PARD3: variants seen among roughly 807,000 people sequenced by gnomAD.
PARD3 encodes the protein par-3 family cell polarity regulator.
Under a neutral mutation model 155.4 loss-of-function variants are expected in PARD3, and 75 were observed. That is an observed-to-expected ratio of 0.48 (90% confidence interval 0.40 to 0.58). The LOEUF (loss-of-function observed/expected upper bound fraction) is 0.58, where lower values mean the gene tolerates loss of function less well. PARD3 is among the 20% of genes least tolerant of loss of function. The pLI, the probability that PARD3 is intolerant of heterozygous loss-of-function variation, is 0.00. For missense variants in PARD3, 1,642 were observed against 1,721.7 expected, an observed-to-expected ratio of 0.95 and a Z score of 0.82; for synonymous variants, 576 against 610.5, an observed-to-expected ratio of 0.94 and a Z score of 0.83.
intron 1 of PARD3, among the ~76,000 whole-genome samples, chr10:34,789,235 T>C (rs1164299589): frequency 6.6e-6 from 1 of 152,110 alleles, no homozygotes; most frequent in Non-Finnish European, 1.5e-5. Context: ...GAGGCCGCAG[T>C]GAGCCATGAA....
chr10:34,674,154 C>T (rs1009436475), intron 2 of PARD3, among the ~76,000 whole-genome samples: 1 of 152,056 alleles, frequency 6.6e-6, no homozygotes, highest in African/African-American at 2.4e-5. Flanking sequence ...TGTATTTCTT[C>T]GTTAACAAGA....
chr10:34,720,959 A>G (rs887690302), intron 1 of PARD3, among the ~76,000 whole-genome samples: 6 of 152,182 alleles, frequency 3.9e-5, no homozygotes, highest in Non-Finnish European at 8.8e-5. Flanking sequence ...TTCACTCTCA[A>G]TTAAAAGGCC....
Position 34,331,161 on chromosome 10 carries a change from T to A in PARD3, c.2789A>T (p.Tyr930Phe). ...ESFRAAIDKS[Y>F]DKPAVDDDDE... ...ATCATCATCTACCGCGGGTTTATCA[T>A]AAGATTTGTCGATGGCAGCTCTGAA... Residue 930 changes from tyrosine to phenylalanine, a missense_variant, in exon 19 of 25, where the codon TAT becomes TTT. By Grantham distance (22) the Tyr-to-Phe change is conservative. This residue lies in a region of PARD3 where 1,529 missense variants were observed against 1,587.3 expected (regional missense o/e 0.96). Transcript: ENST00000374788. 6.2e-7 allele frequency: 1 copy of A among 1,614,052 alleles called. No homozygotes were observed. Among genetic ancestry groups the A allele is most frequent in the Non-Finnish European group, 8.5e-7 (1 of 1,179,966 alleles).
intron 2 of PARD3, among the ~76,000 whole-genome samples, chr10:34,589,636 CAAAAAAAAAA>C (rs35357373): frequency 2.4e-5 from 2 of 84,300 alleles, no homozygotes; most frequent in South Asian, 5.0e-4. Flanking sequence ...AGTACATGTC[CAAAAAAAAAA>C]AAAAAAAAAA....
intron 2 of PARD3, among the ~76,000 whole-genome samples, chr10:34,688,799 C>T (rs560970752): frequency 6.6e-6 from 1 of 152,226 alleles, no homozygotes; most frequent in South Asian, 2.1e-4. Context: ...TAATTTAGTA[C>T]TTGACTTTAA....
intron 2 of PARD3, among the ~76,000 whole-genome samples, chr10:34,687,677 G>A (rs2093973658): frequency 6.6e-6 from 1 of 151,826 alleles, no homozygotes; most frequent in Non-Finnish European, 1.5e-5. Context: ...ATCCAAGAAC[G>A]ACAAAGGAAG....
chr10:34,565,898 C>T (rs888103626), intron 2 of PARD3, among the ~76,000 whole-genome samples: 2 of 152,142 alleles, frequency 1.3e-5, no homozygotes, highest in African/African-American at 4.8e-5. Context: ...AACAAAAAGT[C>T]GTGATTCAAC....
At chr10:34,770,154 C>G (rs1473255906) in intron 1 of PARD3, among the ~76,000 whole-genome samples, 2 of 152,162 alleles carry the variant, frequency 1.3e-5, no homozygotes, top group Non-Finnish European at 2.9e-5. Context: ...TTTCCTGCTC[C>G]TTAGACACAA....
chr10:34,780,278 T>G (rs1000235633), intron 1 of PARD3, among the ~76,000 whole-genome samples: 4 of 152,234 alleles, frequency 2.6e-5, no homozygotes, highest in African/African-American at 9.6e-5. Context: ...CATAGAGATG[T>G]GGAGAGCACT....
chr10:34,802,580 C>A (rs1404608509), intron 1 of PARD3, among the ~76,000 whole-genome samples: 2 of 152,050 alleles, frequency 1.3e-5, no homozygotes, highest in African/African-American at 4.8e-5. Flanking sequence ...GTCTGGGGGG[C>A]CCAAACCAAA....
intron 1 of PARD3, among the ~76,000 whole-genome samples, chr10:34,774,480 AG>A (rs1246803897): frequency 6.6e-6 from 1 of 152,254 alleles, no homozygotes; most frequent in Non-Finnish European, 1.5e-5. Context: ...GTTGAATACC[AG>A]AAGAAACGCA....
chr10:34,725,153 C>CTGTGTG (rs2094684170), intron 1 of PARD3, among the ~76,000 whole-genome samples: 336 of 127,522 alleles, frequency 2.6e-3, no homozygotes, highest in African/African-American at 0.01. Flanking sequence ...GTGTGTGTGA[C>CTGTGTG]AGAGAGAGAG....
Position 34,733,861 on chromosome 10 carries a change from T to C in PARD3, c.121-37442A>G, listed in dbSNP as rs141394197. The stretch of plus-strand genomic sequence containing the variant: ...GCAGACTCAAAATTAATATAAACCA[T>C]CTTTCTCAAAACTCCTAATATAAAG... On this transcript the variant is annotated intron_variant, in intron 1 of 24. Coordinates refer to ENST00000374788, the MANE Select transcript of PARD3 (RefSeq NM_001184785.2). 2.0e-5 allele frequency among the ~76,000 whole-genome samples: 3 copies of C among 152,266 alleles called. No individual in the cohort carries two copies. In the East Asian group the frequency reaches 5.8e-4, roughly 29 times the overall value.
intron 2 of PARD3, among the ~76,000 whole-genome samples, chr10:34,672,918 C>T (rs1387248184): frequency 6.6e-6 from 1 of 152,136 alleles, no homozygotes; most frequent in Admixed American, 6.5e-5. Context: ...CCTTGTCTTG[C>T]TTGATTCTTT....
At chr10:34,678,071 TATTTA>T (rs1265506335) in intron 2 of PARD3, among the ~76,000 whole-genome samples, 1 of 152,024 alleles carries the variant, frequency 6.6e-6, no homozygotes, top group Non-Finnish European at 1.5e-5. Flanking sequence ...TTTATTTATT[TATTTA>T]ATTTATTTAT....
At chr10:34,405,098 A>G (rs1793395073) in intron 5 of PARD3, among the ~76,000 whole-genome samples, 1 of 151,450 alleles carries the variant, frequency 6.6e-6, no homozygotes, top group South Asian at 2.1e-4. Context: ...ACACACACAC[A>G]CACACACACA....
At chr10:34,812,477 T>C (rs1844311590) in intron 1 of PARD3, among the ~76,000 whole-genome samples, 1 of 152,188 alleles carries the variant, frequency 6.6e-6, no homozygotes, top group African/African-American at 2.4e-5. Context: ...CAGTGTTAAA[T>C]ACATATTAAC....
At chr10:34,217,389 T>A (rs1241497413) in intron 22 of PARD3, among the ~76,000 whole-genome samples, 1 of 152,194 alleles carries the variant, frequency 6.6e-6, no homozygotes, top group East Asian at 1.9e-4. Context: ...TCTACCCTTG[T>A]AAAAACACTC....
intron 1 of PARD3, among the ~76,000 whole-genome samples, chr10:34,702,690 G>A (rs2094301584): frequency 6.6e-6 from 1 of 152,216 alleles, no homozygotes; most frequent in African/African-American, 2.4e-5. Context: ...GGCTAGAGGT[G>A]GGAAGATCTT....
Sources: allele counts gnomAD v4.1 joint callset (sites outside exome capture counted in the v4.1 genomes callset), GRCh38; gene constraint gnomAD v4.1.1; regional missense constraint gnomAD v4.1.1; transcripts MANE v1.5; gene names NCBI Gene and HGNC (gene_info 2026-07-23, HGNC 2026-07-21).